Variants in DUOX2 observed in about 807,000 individuals in gnomAD.
DUOX2 encodes the protein NADH/NADPH thyroid oxidase p138-tox.
In DUOX2, 185 loss-of-function variants were observed where a neutral mutation model predicts 183.3. That is an observed-to-expected ratio of 1.01 (90% CI 0.90 to 1.14). The LOEUF is 1.14. Ranked by LOEUF, DUOX2 falls within the 50% of genes most tolerant of loss-of-function variation. The probability of loss-of-function intolerance (pLI) is 0.00; values close to 1 mark genes in which losing one functional copy is unlikely to be tolerated. For synonymous variants in DUOX2, 788 were observed against 812.4 expected, an observed-to-expected ratio of 0.97 and a Z score of 0.51; for missense variants, 1,999 against 2,022.9, an observed-to-expected ratio of 0.99 and a Z score of 0.23.
chr15:45,105,972 G>A (rs1894201969), intron 17 of DUOX2, 144 bp from the exon 18 acceptor site: 3 of 1,374,204 alleles, frequency 2.2e-6, no homozygotes, highest in South Asian at 2.5e-5. Context: ...GGACGAAGGG[G>A]GTCAGGTTGT....
intron 23 of DUOX2, 123 bp from the exon 24 acceptor site, chr15:45,100,351 GA>G: frequency 2.2e-6 from 2 of 916,632 alleles, no homozygotes; most frequent in Non-Finnish European, 1.6e-6. Flanking sequence ...CAGATGAATG[GA>G]AAAAAGCAAT....
intron 17 of DUOX2, 89 bp downstream of exon 17, chr15:45,106,036 A>G (rs1404304683): frequency 3.3e-6 from 5 of 1,501,374 alleles, no homozygotes; most frequent in Non-Finnish European, 4.6e-6. Context: ...GTCATAGTTG[A>G]GCTCTGTAGC....
Position 45,106,646 on chromosome 15 carries a change from A to G in DUOX2, c.1832-5T>C, listed in dbSNP as rs762344934. ...CTCCAGAGAGAAGCAGACTCACTGA[A>G]GTGGATCAGAAGGAACAGTGAGGAG... On this transcript the variant is annotated splice_polypyrimidine_tract_variant and splice_region_variant and intron_variant, in intron 15 of 33. Transcript: ENST00000389039. 20 of 1,614,008 alleles carry G rather than the reference A, an allele frequency of 1.2e-5. No individual in the cohort carries two copies. Among genetic ancestry groups the G allele is most frequent in the East Asian group, 4.5e-5 (2 of 44,882 alleles).
intron 13 of DUOX2, 49 bp from the exon 14 acceptor site, chr15:45,107,512 C>T: frequency 1.3e-6 from 2 of 1,582,396 alleles, no homozygotes; most frequent in Non-Finnish European, 1.7e-6. Flanking sequence ...GGATGCAGGC[C>T]TCCAGCAACC....
chr15:45,109,723 C>G lies in DUOX2; in HGVS notation c.1132-97G>C, dbSNP rs1041433779. ...GTACCCCAGGACAAAGGGCCCTTGG[C>G]CAGTCCCAGACTCTCTTGAACTGTT... On this transcript the variant is annotated intron_variant, in intron 10 of 33. Coordinates refer to ENST00000389039, the MANE Select transcript of DUOX2 (RefSeq NM_001363711.2). The G allele has an allele frequency of 1.8e-5, 25 of 1,384,452 alleles. No individual in the cohort carries two copies. In the African/African-American group the frequency reaches 3.4e-4, roughly 19 times the overall value. 85.8% of individuals were successfully genotyped at this position (1,384,452 alleles called of 1,614,324 possible).
At position 45,101,865 on chromosome 15, in the gene DUOX2, T is replaced by A; in HGVS notation, c.2779A>T (p.Met927Leu). 6.2e-7 allele frequency: 1 copy of A among 1,614,122 alleles called. No homozygotes were observed. The highest frequency in any genetic ancestry group is 8.5e-7 in the Non-Finnish European group (1 of 1,180,010). The change falls in exon 21 of 34, where the codon ATG (methionine) becomes TTG (leucine). Residue 927 changes from methionine to leucine, a missense_variant. Met to Leu is a conservative substitution (Grantham distance 15). Coordinates refer to ENST00000389039, the MANE Select transcript of DUOX2 (RefSeq NM_001363711.2). ...AGCTCGCTGTCATGGTCCCGCAGCA[T>A]GAAGTGAAAATCCTCCCATGTCAGC... ...EELTWEDFHFMLRDHDSELRF... is the reference protein window; with the variant it reads ...EELTWEDFHFLLRDHDSELRF...
At chr15:45,101,559 G>A (rs906275319) in intron 21 of DUOX2, 1 of 628,976 alleles carries the variant, frequency 1.6e-6, no homozygotes, top group African/African-American at 1.8e-5. Flanking sequence ...AGCAATGCCG[G>A]TGGCTTTGAG....
rs1390431071 is a variant in DUOX2, at chr15:45,095,825, C to T, written c.4080+3G>A. On this transcript the variant is annotated splice_donor_region_variant and intron_variant, in intron 30 of 33. Transcript: ENST00000389039. ...CGGAAGCAGGGTTCCCAGTGACGGG[C>T]ACCTTTGGGTATCCAGCACAGCCAT... is the stretch of plus-strand genomic sequence containing the variant. The T allele has an allele frequency of 1.2e-6, 2 of 1,612,884 alleles. No individual in the cohort carries two copies. Among genetic ancestry groups the T allele is most frequent in the Non-Finnish European group, 1.7e-6 (2 of 1,179,154 alleles).
chr15:45,106,274 G>A lies in DUOX2; in HGVS notation c.1999C>T (p.Leu667=), dbSNP rs1049652470. The A allele has an allele frequency of 1.2e-6, 2 of 1,614,020 alleles. No individual in the cohort carries two copies. Among genetic ancestry groups the A allele is most frequent in the African/African-American group, 2.7e-5 (2 of 74,922 alleles). The part of the protein sequence containing the change: ...ERSSPIIIQL[L]SDRCLQVLNR... ...AGGACCTGCAGACACCTGTCTGACAGCAGCTGGATGATGATGGGACTGCTC... is the reference window on the plus strand; with the variant it reads ...AGGACCTGCAGACACCTGTCTGACAACAGCTGGATGATGATGGGACTGCTC... The change falls in exon 17 of 34, where the codon CTG becomes TTG. Residue 667 remains leucine (L), a synonymous_variant. Transcript: ENST00000389039.
In DUOX2 at chr15:45,104,162, G is replaced by A. The variant is rs1274476523; in HGVS notation, c.2538C>T (p.Asp846=). The stretch of plus-strand genomic sequence containing the variant: ...TACCTTTCATGAAGACCACCAGGAT[G>A]TCCAGGAACTCTCGGAAGGACAGGT... ...NGYLSFREFL[D]ILVVFMKGSP... is the part of the protein sequence containing the mutation. The change falls in exon 19 of 34, where the codon GAC becomes GAT. Residue 846 remains aspartate (D), a synonymous_variant. Coordinates refer to ENST00000389039, the MANE Select transcript of DUOX2 (RefSeq NM_001363711.2). The A allele has an allele frequency of 1.9e-6, 3 of 1,614,046 alleles. No homozygotes were observed. The highest frequency in any genetic ancestry group is 2.5e-6 in the Non-Finnish European group (3 of 1,180,028).
In DUOX2 at chr15:45,094,246, G is replaced by A. The variant is rs201793284; in HGVS notation, c.4551C>T (p.Cys1517=). The change falls in exon 34 of 34, where the codon TGC becomes TGT. Residue 1517 remains cysteine, a synonymous_variant. Transcript: ENST00000389039. ...CATTCTTGGTCATTCCTGGAGGGCC[G>A]CAGCTGAACACCCCGATCTTGCGCA... ...PQVRKIGVFS[C]GPPGMTKNVE... is the part of the protein sequence containing the mutation. 9.3e-6 allele frequency: 15 copies of A among 1,614,100 alleles called. No individual in the cohort carries two copies. The African/African-American group carries it at 1.2e-4, about 13-fold the overall frequency.
chr15:45,111,767 C>G lies in DUOX2; in HGVS notation c.513+1G>C, dbSNP rs752635135. ...CCTTCCCGCCGCCTTCCCCGCCTCA[C>G]CAGGTCCCGGGGGTTGCTGGGACTC... On this transcript the variant is annotated splice_donor_variant, in intron 5 of 33. Coordinates refer to ENST00000389039, the MANE Select transcript of DUOX2 (RefSeq NM_001363711.2). LOFTEE classifies it high-confidence loss of function. The G allele has an allele frequency of 8.2e-6, 13 of 1,594,334 alleles. No homozygotes were observed. Among genetic ancestry groups the G allele is most frequent in the Non-Finnish European group, 1.1e-5 (13 of 1,170,910 alleles).
chr15:45,105,613 C>T, intron 18 of DUOX2, 30 bp downstream of exon 18: 2 of 1,613,978 alleles, frequency 1.2e-6, no homozygotes, highest in Non-Finnish European at 1.7e-6. Flanking sequence ...TGGGGCTGGA[C>T]CCATCTCCAA....
chr15:45,106,909 AG>A lies in DUOX2; in HGVS notation c.1753del (p.Leu585Ter), dbSNP rs764805468. 1.3e-6 allele frequency: 2 copies of A among 1,583,320 alleles called. No individual in the cohort carries two copies. The highest frequency in any genetic ancestry group is 2.3e-5 in the South Asian group (2 of 86,246). ...TTDGLPQCAP[L>X]TVLDFFEGSS... is the part of the protein sequence containing the mutation. The stretch of plus-strand genomic sequence containing the variant: ...GCCTTCAAAGAAGTCAAGCACAGTC[AG>A]GGGTGCACACTGGGGCAGGCCGTCA... On this transcript the variant is annotated frameshift_variant, in exon 15 of 34. Coordinates refer to ENST00000389039, the MANE Select transcript of DUOX2 (RefSeq NM_001363711.2). LOFTEE classifies it high-confidence loss of function.
intron 11 of DUOX2, 85 bp downstream of exon 11, chr15:45,109,439 G>A (rs960071961): frequency 7.0e-5 from 79 of 1,124,838 alleles, no homozygotes; most frequent in African/African-American, 1.2e-4. Context: ...CATCGTGAGC[G>A]CCCTAGGTCT....
Position 45,100,130 on chromosome 15 carries a change from A to G in DUOX2, c.3104T>C (p.Val1035Ala). The G allele has an allele frequency of 6.2e-7, 1 of 1,614,234 alleles. No homozygotes were observed. The highest frequency in any genetic ancestry group is 8.5e-7 in the Non-Finnish European group (1 of 1,180,046). Residue 1035 changes from valine (V) to alanine (A), a missense_variant, in exon 24 of 34, where the codon GTG becomes GCG. Physicochemically the swap from Val to Ala is moderately conservative, Grantham distance 64. Transcript: ENST00000389039. The stretch of plus-strand genomic sequence containing the variant: ...CACGATGTGCCTCCGGTAGTTCTCC[A>G]CGAAGCGCTTGTACTGCTGCAGCTT... Reference protein sequence around the residue: ...AQKLQQYKRFVENYRRHIVCV... With the variant: ...AQKLQQYKRFAENYRRHIVCV...
intron 29 of DUOX2, among the ~76,000 whole-genome samples, chr15:45,096,551 A>G (rs2141140858): frequency 6.6e-6 from 1 of 152,354 alleles, no homozygotes; most frequent in East Asian, 1.9e-4. Context: ...CCTACATAGA[A>G]GACAACATAT....
chr15:45,110,898 T>A (rs2412956), intron 7 of DUOX2, among the ~76,000 whole-genome samples, 188 bp from the exon 8 acceptor site: 1 of 150,176 alleles, frequency 6.7e-6, no homozygotes, highest in Non-Finnish European at 1.5e-5. Flanking sequence ...GGAGTGGGGG[T>A]TGGGGAGGTG....
At position 45,094,187 on chromosome 15, in the gene DUOX2, T is replaced by A; in HGVS notation, c.4610A>T (p.Asp1537Val). 1 of 1,614,100 alleles carries A rather than the reference T, an allele frequency of 6.2e-7. No individual in the cohort carries two copies. Among genetic ancestry groups the A allele is most frequent in the Non-Finnish European group, 8.5e-7 (1 of 1,180,026 alleles). ...EKACQLVNRQ[D>V]RAHFMHHYEN... Reference sequence around the variant, plus strand: ...ATAGTGGTGCATGAAGTGGGCTCGGTCCTGCCTGTTGACGAGCTGACAGGC... The same window carrying A: ...ATAGTGGTGCATGAAGTGGGCTCGGACCTGCCTGTTGACGAGCTGACAGGC... The change falls in exon 34 of 34, where the codon GAC (aspartate) becomes GTC (valine). Residue 1537 changes from aspartate (D) to valine (V), a missense_variant. Around this residue, in one of 3 missense-constraint regions of DUOX2, gnomAD observed 1,628 missense variants for 1,608.6 expected, o/e 1.01. Coordinates refer to ENST00000389039, the MANE Select transcript of DUOX2 (RefSeq NM_001363711.2).
Sources: gnomAD v4.1 joint callset for allele counts (sites outside exome capture counted in the v4.1 genomes callset) on GRCh38, gnomAD v4.1.1 for gene constraint, gnomAD v4.1.1 regional missense constraint, MANE v1.5 for transcripts, NCBI Gene and HGNC (gene_info 2026-07-23, HGNC 2026-07-21) for gene names.